TSPAN18: variants seen among roughly 807,000 people sequenced by gnomAD.
TSPAN18 encodes tetraspanin 18, also known as tetraspanin-18.
A neutral mutation model predicts 27.3 loss-of-function variants in TSPAN18; 14 were observed. The ratio of observed to expected loss-of-function variants is 0.51; its 90% CI spans 0.34 to 0.80. The LOEUF is 0.80. TSPAN18 is among the 30% of genes least tolerant of loss of function. The probability of loss-of-function intolerance (pLI) is 0.01; values close to 1 mark genes in which losing one functional copy is unlikely to be tolerated. For synonymous variants in TSPAN18, 143 were observed against 136.5 expected, an observed-to-expected ratio of 1.05 and a Z score of -0.33; for missense variants, 268 against 323.9, an observed-to-expected ratio of 0.83 and a Z score of 1.32.
At chr11:44,857,421 C>A (rs1857766221) in intron 2 of TSPAN18, among the ~76,000 whole-genome samples, 1 of 152,214 alleles carries the variant, frequency 6.6e-6, no homozygotes, top group African/African-American at 2.4e-5. Flanking sequence ...TGTGCTCTCC[C>A]CGCCTCCCCC....
chr11:44,800,662 A>C (rs1039153703), intron 2 of TSPAN18, among the ~76,000 whole-genome samples: 1 of 152,190 alleles, frequency 6.6e-6, no homozygotes, highest in Non-Finnish European at 1.5e-5. Context: ...ATGCCCGGTG[A>C]CACCTGTTTG....
At chr11:44,859,636 G>C (rs1857824303) in intron 2 of TSPAN18, 2 of 152,252 alleles carry the variant, frequency 1.3e-5, no homozygotes, top group African/African-American at 2.4e-5. Flanking sequence ...TGAGGCCCAA[G>C]ACTGGGTAGA....
intron 8 of TSPAN18, among the ~76,000 whole-genome samples, chr11:44,924,097 T>TG (rs1554941244): frequency 2.7e-4 from 40 of 145,864 alleles, no homozygotes; most frequent in African/African-American, 9.8e-4. Context: ...CCTTCTGGGG[T>TG]TGTGTGTGTG....
At chr11:44,896,923 G>A (rs371454627) in intron 3 of TSPAN18, among the ~76,000 whole-genome samples, 2 of 152,148 alleles carry the variant, frequency 1.3e-5, no homozygotes, top group African/African-American at 4.8e-5. Context: ...TGAGTGGGTG[G>A]GTTGAGGGAG....
At chr11:44,831,842 G>A (rs1857161163) in intron 2 of TSPAN18, among the ~76,000 whole-genome samples, 1 of 152,166 alleles carries the variant, frequency 6.6e-6, no homozygotes, top group Non-Finnish European at 1.5e-5. Flanking sequence ...GTCTGGGACA[G>A]CTGGTCCAGG....
intron 3 of TSPAN18, among the ~76,000 whole-genome samples, chr11:44,886,959 G>A (rs552427065): frequency 6.6e-6 from 1 of 152,214 alleles, no homozygotes; most frequent in African/African-American, 2.4e-5. Flanking sequence ...TGTAGAGCAA[G>A]AGGCTGGAGC....
chr11:44,910,543 A>G (rs1859670183), intron 5 of TSPAN18, among the ~76,000 whole-genome samples: 1 of 152,184 alleles, frequency 6.6e-6, no homozygotes, highest in Admixed American at 6.5e-5. Flanking sequence ...ACTGACATTG[A>G]CCTTGATGTT....
intron 2 of TSPAN18, 113 bp from the exon 3 acceptor site, chr11:44,860,215 C>CA (rs1857841247): frequency 6.6e-6 from 1 of 152,192 alleles, no homozygotes; most frequent in Non-Finnish European, 1.5e-5. Flanking sequence ...CAGGCTCCTG[C>CA]AGTCTTGGTT....
chr11:44,745,098 T>A (rs1362066310), intron 1 of TSPAN18, among the ~76,000 whole-genome samples: 2 of 152,182 alleles, frequency 1.3e-5, no homozygotes, highest in African/African-American at 4.8e-5. Context: ...CTGGCTTTGT[T>A]GCTATATGAC....
chr11:44,867,183 T>C (rs895784148), intron 3 of TSPAN18, among the ~76,000 whole-genome samples: 1 of 152,028 alleles, frequency 6.6e-6, no homozygotes, highest in Non-Finnish European at 1.5e-5. Flanking sequence ...CCAGACCCAC[T>C]GAATCAGAAA....
rs1042221194 is a variant in TSPAN18, at chr11:44,931,977, C to T, written c.*2799C>T. 1 of 152,282 alleles carries T rather than the reference C, an allele frequency of 6.6e-6. No homozygotes were observed. Among genetic ancestry groups the T allele is most frequent in the African/African-American group, 2.4e-5 (1 of 41,468 alleles). The allele number at this position is 152,282 out of a possible 1,614,324, so 9.4% of individuals were successfully genotyped here. A position where few individuals can be genotyped will look rare whatever the true frequency, so the allele number is the denominator to read the frequency against. On this transcript the variant is annotated 3_prime_UTR_variant, in exon 10 of 10. Transcript: ENST00000520358. ...CTGTATCGAAAGCCACTTTCCTGCT[C>T]TGAAGCTACTGCCTCTTAGAGAAAG...
At chr11:44,896,968 C>G (rs1859082115) in intron 3 of TSPAN18, among the ~76,000 whole-genome samples, 1 of 152,102 alleles carries the variant, frequency 6.6e-6, no homozygotes, top group South Asian at 2.1e-4. Context: ...AGGAATCTTT[C>G]ACCCACCACC....
At chr11:44,884,270 G>A (rs373458374) in intron 3 of TSPAN18, among the ~76,000 whole-genome samples, 167 of 152,272 alleles carry the variant, frequency 1.1e-3, no homozygotes, top group African/African-American at 3.9e-3. Flanking sequence ...CCCCAGAGAC[G>A]GGGCCAAGGT....
intron 2 of TSPAN18, among the ~76,000 whole-genome samples, chr11:44,766,495 A>G (rs990284062): frequency 2.0e-5 from 3 of 149,718 alleles, no homozygotes; most frequent in Non-Finnish European, 3.0e-5. Context: ...AGTGAGTCAG[A>G]AAAACCTTCC....
At chr11:44,904,510 AG>A (rs1859384649) in intron 3 of TSPAN18, among the ~76,000 whole-genome samples, 1 of 152,222 alleles carries the variant, frequency 6.6e-6, no homozygotes, top group Non-Finnish European at 1.5e-5. Flanking sequence ...CAACGAGAGG[AG>A]GGACGCAAGG....
Position 44,919,911 on chromosome 11 carries a change from G to A in TSPAN18, c.527G>A (p.Cys176Tyr). The change falls in exon 8 of 10, where the codon TGC (cysteine) becomes TAC (tyrosine). Residue 176 changes from cysteine (C) to tyrosine (Y), a missense_variant. By Grantham distance (194) the Cys-to-Tyr change is radical. Coordinates refer to ENST00000520358, the MANE Select transcript of TSPAN18 (RefSeq NM_130783.5). The part of the protein sequence containing the change: ...TLDSEEVPEA[C>Y]CRREPQSRDG... ...GATAGTGAAGAGGTGCCGGAGGCCT[G>A]CTGCCGGAGGGAACCCCAAAGTCGG... The A allele has an allele frequency of 1.2e-6, 2 of 1,614,238 alleles. No homozygotes were observed. Among genetic ancestry groups the A allele is most frequent in the Non-Finnish European group, 1.7e-6 (2 of 1,180,038 alleles).
chr11:44,907,690 T>C (rs1859503396), intron 4 of TSPAN18, among the ~76,000 whole-genome samples: 1 of 152,130 alleles, frequency 6.6e-6, no homozygotes, highest in Admixed American at 6.6e-5. Context: ...AGCATGCAGT[T>C]GCTGAATCCC....
intron 1 of TSPAN18, among the ~76,000 whole-genome samples, chr11:44,743,711 C>G (rs1160138079): frequency 1.3e-5 from 2 of 152,218 alleles, no homozygotes; most frequent in African/African-American, 4.8e-5. Flanking sequence ...AGGCTTGCAG[C>G]CCTTTCGGGA....
chr11:44,920,623 C>T (rs1184910174), intron 8 of TSPAN18, among the ~76,000 whole-genome samples: 2 of 152,172 alleles, frequency 1.3e-5, no homozygotes, highest in East Asian at 3.9e-4. Context: ...TGCTCTTAAT[C>T]CCCTTCTTCC....
Sources: allele counts gnomAD v4.1 joint callset (sites outside exome capture counted in the v4.1 genomes callset), GRCh38; gene constraint gnomAD v4.1.1; transcripts MANE v1.5; gene names NCBI Gene and HGNC (gene_info 2026-07-23, HGNC 2026-07-21).